The following MYH7 variants were observed in gnomAD, a reference collection of about 807,000 sequenced individuals.
MYH7 encodes the protein myosin-7.
Under a neutral mutation model 225.4 loss-of-function variants are expected in MYH7, and 129 were observed. The ratio of observed to expected loss-of-function variants is 0.57; its 90% CI spans 0.50 to 0.66. The LOEUF is 0.66. Among genes scored for constraint, MYH7 ranks in the 30% least tolerant of loss-of-function variants. The probability of loss-of-function intolerance (pLI) is 0.00; values close to 1 mark genes in which losing one functional copy is unlikely to be tolerated. For synonymous variants in MYH7, 971 were observed against 1,007.6 expected, an observed-to-expected ratio of 0.96 and a Z score of 0.69; for missense variants, 1,649 against 2,517.0, an observed-to-expected ratio of 0.66 and a Z score of 7.38.
At chr14:23,419,346 C>T in intron 28 of MYH7, 51 bp from the exon 29 acceptor site, 1 of 1,612,766 alleles carries the variant, frequency 6.2e-7, no homozygotes, top group Non-Finnish European at 8.5e-7. Flanking sequence ...CCACCTCCTC[C>T]TCTAGCCCTC....
chr14:23,425,621 A>G lies in MYH7; in HGVS notation c.2286+74T>C. Reference sequence around the variant, plus strand: ...GGTAAGAGATTTTGCTAAGATGATTACAACAGGAAAAGCATCAGAGGAGTC... The same window carrying G: ...GGTAAGAGATTTTGCTAAGATGATTGCAACAGGAAAAGCATCAGAGGAGTC... On this transcript the variant is annotated intron_variant, in intron 20 of 39. Transcript: ENST00000355349. The surrounding 1 kb of genome is among the most constrained non-coding windows in gnomAD (Gnocchi z 4.6). The G allele has an allele frequency of 6.2e-7, 1 of 1,610,558 alleles. No individual in the cohort carries two copies. Among genetic ancestry groups the G allele is most frequent in the Non-Finnish European group, 8.5e-7 (1 of 1,177,948 alleles).
rs2069543 is a variant in MYH7 at position 23,427,868 on chromosome 14, T to C, written c.1605A>G (p.Glu535=). ...EKPMGIMSIL[E]EECMFPKATD... ...TGGCCTTGGGGAACATGCACTCCTCTTCCAGGATGGACATGATGCCCATGG... is the reference window on the plus strand; with the variant it reads ...TGGCCTTGGGGAACATGCACTCCTCCTCCAGGATGGACATGATGCCCATGG... Residue 535 remains glutamate (E), a synonymous_variant, in exon 16 of 40, where the codon GAA becomes GAG. Transcript: ENST00000355349. The C allele has an allele frequency of 6.0e-3, 9,657 of 1,614,110 alleles. 454 individuals carry two copies. In the African/African-American group the frequency reaches 0.11, roughly 18 times the overall value.
chr14:23,419,780 C>T (rs1329026924), intron 27 of MYH7, 65 bp downstream of exon 27: 1 of 1,613,940 alleles, frequency 6.2e-7, no homozygotes, highest in African/African-American at 1.3e-5. Flanking sequence ...GGAAGAGACA[C>T]TACATGGACA....
At chr14:23,427,997 G>T in intron 15 of MYH7, 103 bp from the exon 16 acceptor site, 1 of 1,438,062 alleles carries the variant, frequency 7.0e-7, no homozygotes, top group Non-Finnish European at 9.6e-7. Context: ...CATGTTGGGT[G>T]TTAAGGTAGT....
At chr14:23,430,731 C>A (rs1382800778) in intron 10 of MYH7, 68 bp from the exon 11 acceptor site, 1 of 1,418,062 alleles carries the variant, frequency 7.1e-7, no homozygotes, top group East Asian at 2.3e-5. Flanking sequence ...CTCGCCACAG[C>A]ACATGGCCTG....
At position 23,425,045 on chromosome 14, in the gene MYH7, G is replaced by A. The variant is rs1434014432; in HGVS notation, c.2424-21C>T. On this transcript the variant is annotated intron_variant, in intron 21 of 39. Coordinates refer to ENST00000355349, the MANE Select transcript of MYH7 (RefSeq NM_000257.4). This position sits in a 1 kb window ranked among gnomAD's most constrained non-coding sequence, Gnocchi z 4.6. ...AGTCTCTGCAGGGGCCCATTGAAAG[G>A]AGTGCTGAGCCTCCTGCCTCCTTCC... 1.2e-6 allele frequency: 2 copies of A among 1,614,148 alleles called. No homozygotes were observed. Among genetic ancestry groups the A allele is most frequent in the Non-Finnish European group, 1.7e-6 (2 of 1,180,026 alleles).
Position 23,426,880 on chromosome 14 carries a change from C to T in MYH7, c.1957-16G>A, listed in dbSNP as rs369038717. 5.6e-6 allele frequency: 9 copies of T among 1,607,972 alleles called. No individual in the cohort carries two copies. Among genetic ancestry groups the T allele is most frequent in the Non-Finnish European group, 7.7e-6 (9 of 1,175,494 alleles). ...TCAGATTTTCCTGTGGCCAAAAATG[C>T]AATAGAGAAAAGTAAAGAAAATGCC... On this transcript the variant is annotated splice_polypyrimidine_tract_variant and intron_variant, in intron 17 of 39. Transcript: ENST00000355349.
Position 23,433,184 on chromosome 14 carries a change from G to A in MYH7, c.245C>T (p.Pro82Leu). 1 of 1,614,092 alleles carries A rather than the reference G, an allele frequency of 6.2e-7. No homozygotes were observed. The highest frequency in any genetic ancestry group is 8.5e-7 in the Non-Finnish European group (1 of 1,180,022). The change falls in exon 4 of 40, where the codon CCC (proline) becomes CTC (leucine). Residue 82 changes from proline (P) to leucine (L), a missense_variant. Coordinates refer to ENST00000355349, the MANE Select transcript of MYH7 (RefSeq NM_000257.4). The surrounding 1 kb of genome is among the most constrained non-coding windows in gnomAD (Gnocchi z 4.1). The part of the protein sequence containing the change: ...KEDQVMQQNP[P>L]KFDKIEDMAM... ...CATGTCCTCGATTTTGTCGAACTTGGGTGGGTTCTGCTGCATCACCTGGTC... is the reference window on the plus strand; with the variant it reads ...CATGTCCTCGATTTTGTCGAACTTGAGTGGGTTCTGCTGCATCACCTGGTC...
rs1322504935 is a variant in MYH7, at chr14:23,433,241, C to T, written c.202-14G>A. ...CACGGTCACTGTCTGCAAGAGCCCCCACCCAAGCCCTCCTGTCAGCCTGGG... is the reference window on the plus strand; with the variant it reads ...CACGGTCACTGTCTGCAAGAGCCCCTACCCAAGCCCTCCTGTCAGCCTGGG... On this transcript the variant is annotated splice_polypyrimidine_tract_variant and intron_variant, in intron 3 of 39. Coordinates refer to ENST00000355349, the MANE Select transcript of MYH7 (RefSeq NM_000257.4). The surrounding 1 kb of genome is among the most constrained non-coding windows in gnomAD (Gnocchi z 4.1). 8.7e-6 allele frequency: 14 copies of T among 1,614,198 alleles called. No homozygotes were observed. Among genetic ancestry groups the T allele is most frequent in the African/African-American group, 1.3e-5 (1 of 75,062 alleles).
Position 23,431,868 on chromosome 14 carries a change from CGCTG to C in MYH7, c.531-3_531del, listed in dbSNP as rs397516242. On this transcript the variant is annotated splice_acceptor_variant and splice_polypyrimidine_tract_variant and coding_sequence_variant and intron_variant, in exon 7 of 40. Coordinates refer to ENST00000355349, the MANE Select transcript of MYH7 (RefSeq NM_000257.4). LOFTEE classifies it high-confidence loss of function. Reference sequence around the variant, plus strand: ...ACTGTCTTCCCTGCTCCGGATTCTCCGCTGTGAAGACAGGGGCTTATTGGGCAGT... The same window carrying C: ...ACTGTCTTCCCTGCTCCGGATTCTCCTGAAGACAGGGGCTTATTGGGCAGT... The C allele has an allele frequency of 6.2e-7, 1 of 1,614,146 alleles. No individual in the cohort carries two copies. The highest frequency in any genetic ancestry group is 8.5e-7 in the Non-Finnish European group (1 of 1,179,936).
rs1306082414 is a variant in MYH7 at position 23,415,383 on chromosome 14, C to T, written c.5281G>A (p.Asp1761Asn). 1 of 1,614,226 alleles carries T rather than the reference C, an allele frequency of 6.2e-7. No homozygotes were observed. Among genetic ancestry groups the T allele is most frequent in the Non-Finnish European group, 8.5e-7 (1 of 1,180,050 alleles). The change falls in exon 36 of 40, where the codon GAT becomes AAT. Residue 1761 changes from aspartate to asparagine, a missense_variant and splice_region_variant. Transcript: ENST00000355349. This position sits in a 1 kb window ranked among gnomAD's most constrained non-coding sequence, Gnocchi z 6.3. ...GGTCGGTGGAGTGGGGGACTTACAT[C>T]CGTGATGGCCTTCTTGGCCTTCTCC... The part of the protein sequence containing the change: ...AEEKAKKAIT[D>N]AAMMAEELKK...
At chr14:23,413,932 G>T (rs1373683633) in intron 38 of MYH7, 39 bp from the exon 39 acceptor site, 1 of 1,614,220 alleles carries the variant, frequency 6.2e-7, no homozygotes. Context: ...GGGGGCCTGG[G>T]TTCTCAGACT....
At chr14:23,416,413 G>T in intron 33 of MYH7, 101 bp from the exon 34 acceptor site, 4 of 1,279,778 alleles carry the variant, frequency 3.1e-6, no homozygotes, top group South Asian at 2.8e-5. Context: ...CTTCAAGAGT[G>T]GTGTAAGTGG....
At position 23,418,264 on chromosome 14, in the gene MYH7, C is replaced by T; in HGVS notation, c.4115G>A (p.Arg1372Lys). The stretch of plus-strand genomic sequence containing the variant: ...AATGGCGTCCGTCTCATACTTGGTC[C>T]TCCACTGGGCCACCTCCGAGTTGGC... ...SKANSEVAQW[R>K]TKYETDAIQR... is the part of the protein sequence containing the mutation. Residue 1372 changes from arginine to lysine, a missense_variant, in exon 30 of 40, where the codon AGG becomes AAG. Arg to Lys is a conservative substitution (Grantham distance 26, BLOSUM62 2). This residue lies in a region of MYH7 where 687 missense variants were observed against 913.8 expected (regional missense o/e 0.75). Coordinates refer to ENST00000355349, the MANE Select transcript of MYH7 (RefSeq NM_000257.4). 2 of 1,613,644 alleles carry T rather than the reference C, an allele frequency of 1.2e-6. No individual in the cohort carries two copies. Among genetic ancestry groups the T allele is most frequent in the Non-Finnish European group, 1.7e-6 (2 of 1,180,052 alleles).
chr14:23,418,073 T>C (rs752305095), intron 30 of MYH7, 137 bp downstream of exon 30: 2 of 1,299,346 alleles, frequency 1.5e-6, no homozygotes, highest in South Asian at 1.2e-5. Flanking sequence ...GAGAAGGAGG[T>C]GGGGCCGGGG....
chr14:23,417,676 C>A lies in MYH7; in HGVS notation c.4180G>T (p.Ala1394Ser). Residue 1394 changes from alanine (A) to serine (S), a missense_variant, in exon 31 of 40, where the codon GCC becomes TCC. This residue lies in a region of MYH7 where 687 missense variants were observed against 913.8 expected (regional missense o/e 0.75). Coordinates refer to ENST00000355349, the MANE Select transcript of MYH7 (RefSeq NM_000257.4). ...EELEEAKKKL[A>S]QRLQEAEEAV... ...TCCTCAGCTTCCTGCAGCCGCTGGG[C>A]CAGCTTCTTCCTGCCCAGGGGAGGG... is the stretch of plus-strand genomic sequence containing the variant. 1.2e-6 allele frequency: 2 copies of A among 1,612,852 alleles called. No homozygotes were observed. Among genetic ancestry groups the A allele is most frequent in the Non-Finnish European group, 1.7e-6 (2 of 1,180,026 alleles).
At chr14:23,423,851 T>C (rs1204770179) in intron 23 of MYH7, 56 bp downstream of exon 23, 52 of 1,613,556 alleles carry the variant, frequency 3.2e-5, no homozygotes, top group Non-Finnish European at 4.4e-5. Context: ...TCAAGGTCAG[T>C]ATGGTCTGAG....
Position 23,416,987 on chromosome 14 carries a change from TCTC to T in MYH7, c.4522_4524del (p.Glu1508del), listed in dbSNP as rs397516220. 6.2e-7 allele frequency: 1 copy of T among 1,614,208 alleles called. No individual in the cohort carries two copies. The highest frequency in any genetic ancestry group is 8.5e-7 in the Non-Finnish European group (1 of 1,180,050). On this transcript the variant is annotated inframe_deletion and splice_region_variant, in exon 33 of 40. Transcript: ENST00000355349. The stretch of plus-strand genomic sequence containing the variant: ...CCCAACTGCTCAGTCAAGTCGGAGA[TCTC>T]CTCTGTGTGGGGAACACGGTAACTC...
In MYH7 at chr14:23,419,808, G is replaced by A. The variant is rs1261804362; in HGVS notation, c.3726+37C>T. The A allele has an allele frequency of 1.9e-6, 3 of 1,613,894 alleles. No homozygotes were observed. In the African/African-American group the frequency reaches 4.0e-5, roughly 22 times the overall value. The stretch of plus-strand genomic sequence containing the variant: ...CATGGACAGAAAGGGGAGGTGGGAG[G>A]AGGAAGTTGGAGGAGGGGAGGCCGA... On this transcript the variant is annotated intron_variant, in intron 27 of 39. Coordinates refer to ENST00000355349, the MANE Select transcript of MYH7 (RefSeq NM_000257.4).
Sources: allele counts gnomAD v4.1 joint callset, GRCh38; gene constraint gnomAD v4.1.1; regional missense constraint gnomAD v4.1.1; non-coding constraint Gnocchi (gnomAD v3.1); transcripts MANE v1.5; gene names NCBI Gene and HGNC (gene_info 2026-07-23, HGNC 2026-07-21).